The following SIGLEC9 variants were observed in gnomAD, a reference collection of about 807,000 sequenced individuals.
SIGLEC9 encodes the protein sialic acid binding Ig like lectin 9.
Under a neutral mutation model 38.3 loss-of-function variants are expected in SIGLEC9, and 26 were observed. That is an observed-to-expected ratio of 0.68 (90% CI 0.50 to 0.94). The LOEUF (loss-of-function observed/expected upper bound fraction) is 0.94. Among genes scored for constraint, SIGLEC9 ranks in the 40% least tolerant of loss-of-function variants. The pLI is 0.00. For missense variants in SIGLEC9, 556 were observed against 585.7 expected (o/e 0.95, Z 0.52); for synonymous variants, 236 against 248.0 (o/e 0.95, Z 0.45).
chr19:51,125,038 CT>C lies in SIGLEC9; in HGVS notation c.65del (p.Leu22ArgfsTer2). 1 of 1,613,876 alleles carries C rather than the reference CT, an allele frequency of 6.2e-7. No individual in the cohort carries two copies. The highest frequency in any genetic ancestry group is 8.5e-7 in the Non-Finnish European group (1 of 1,179,836). The part of the protein sequence containing the change: ...RERAEGQTSK[L>X]LTMQSSVTVQ... ...GAGGGCGGAAGGACAGACAAGTAAA[CT>C]GCTGACGATGCAGAGTTCCGTGACG... On this transcript the variant is annotated frameshift_variant, in exon 1 of 7. Coordinates refer to ENST00000250360, the MANE Select transcript of SIGLEC9 (RefSeq NM_014441.3). LOFTEE classifies it high-confidence loss of function.
chr19:51,127,814 GCT>G (rs370603645), intron 4 of SIGLEC9, 133 bp from the exon 5 acceptor site: 4 of 591,244 alleles, frequency 6.8e-6, no homozygotes, highest in South Asian at 2.3e-5. Context: ...TCCATGTCCT[GCT>G]CTCTCTCATT....
At position 51,129,148 on chromosome 19, in the gene SIGLEC9, T is replaced by G. The variant is rs1370375149; in HGVS notation, c.1203+638T>G. ...CAGTGCACATTCTGACTTTTTTTGTTTTTTTTTTTTTTTGTTGTTGTTGTT... is the reference window on the plus strand; with the variant it reads ...CAGTGCACATTCTGACTTTTTTTGTGTTTTTTTTTTTTTGTTGTTGTTGTT... On this transcript the variant is annotated intron_variant, in intron 6 of 6. Transcript: ENST00000250360. 3.2e-5 allele frequency among the ~76,000 whole-genome samples: 4 copies of G among 125,050 alleles called. 1 individual carries two copies. Among genetic ancestry groups the G allele is most frequent in the East Asian group, 3.9e-4 (2 of 5,090 alleles). The allele number at this position is 125,050 out of a possible 152,430, so 82.0% of individuals were successfully genotyped here.
chr19:51,121,959 T>C (rs536233128), upstream of SIGLEC9, among the ~76,000 whole-genome samples: 1 of 151,904 alleles, frequency 6.6e-6, no homozygotes, highest in East Asian at 1.9e-4. Flanking sequence ...GTGCCCCTGA[T>C]AGCACAAGCC....
At chr19:51,121,154 G>GTTTTTTTTTTTTTTTTTTTTTTTTTT (rs112928576), upstream of SIGLEC9, among the ~76,000 whole-genome samples, 1 of 150,974 alleles carries the variant, frequency 6.6e-6, no homozygotes, top group African/African-American at 2.4e-5. Context: ...CAGAGTATGA[G>GTTTTTTTTTTTTTTTTTTTTTTTTTT]TTTTTTTGTT....
chr19:51,126,107 G>A lies in SIGLEC9; in HGVS notation c.727G>A (p.Val243Ile), dbSNP rs777990083. ...CCCGCCTCAGAACTTGACCATGACT[G>A]TCTTCCAAGGAGACGGCACAGGTAG... ...SYPPQNLTMTVFQGDGTVSTV... is the reference protein window; with the variant it reads ...SYPPQNLTMTIFQGDGTVSTV... The change falls in exon 3 of 7, where the codon GTC becomes ATC. Residue 243 changes from valine (V) to isoleucine (I), a missense_variant. Val to Ile is a conservative substitution (Grantham distance 29, BLOSUM62 3). Transcript: ENST00000250360. The A allele has an allele frequency of 6.2e-7, 1 of 1,614,082 alleles. No homozygotes were observed. Among genetic ancestry groups the A allele is most frequent in the Non-Finnish European group, 8.5e-7 (1 of 1,179,968 alleles).
Position 51,125,272 on chromosome 19 carries a change from A to G in SIGLEC9, c.298A>G (p.Lys100Glu), listed in dbSNP as rs2075803. The G allele has an allele frequency of 0.56, 896,128 of 1,613,568 alleles. 251,839 individuals are homozygous for G. Among genetic ancestry groups the G allele is most frequent in the South Asian group, 0.64 (58,178 of 91,050 alleles). Residue 100 changes from lysine (K) to glutamate (E), a missense_variant, in exon 1 of 7, where the codon AAG becomes GAG. Transcript: ENST00000250360. ...RFHLLGDPHT[K>E]NCTLSIRDAR... The stretch of plus-strand genomic sequence containing the variant: ...CCACCTCCTTGGGGACCCACATACC[A>G]AGAATTGCACCCTGAGCATCAGAGA...
chr19:51,124,070 G>C (rs1393329322), upstream of SIGLEC9, among the ~76,000 whole-genome samples: 1 of 152,160 alleles, frequency 6.6e-6, no homozygotes, highest in Non-Finnish European at 1.5e-5. Context: ...AGGGAAGTGT[G>C]GCTGAGCGAG....
downstream of SIGLEC9, among the ~76,000 whole-genome samples, chr19:51,134,091 G>A (rs191669723): frequency 8.7e-5 from 13 of 150,206 alleles, no homozygotes; most frequent in East Asian, 1.2e-3. Context: ...GGGGATTAAC[G>A]TGAATGGCAC....
At chr19:51,126,035 C>T (rs770721937) in intron 2 of SIGLEC9, 46 bp from the exon 3 acceptor site, 1 of 1,604,234 alleles carries the variant, frequency 6.2e-7, no homozygotes, top group Non-Finnish European at 8.5e-7. Flanking sequence ...GGGCCAGTGT[C>T]CCCAGCCCTC....
rs774730798 is a variant in SIGLEC9 at position 51,128,007 on chromosome 19, G to A, written c.1074G>A (p.Leu358=). 6.2e-7 allele frequency: 1 copy of A among 1,614,040 alleles called. No homozygotes were observed. Residue 358 remains leucine, a synonymous_variant, in exon 5 of 7, where the codon CTG becomes CTA. Transcript: ENST00000250360. The stretch of plus-strand genomic sequence containing the variant: ...TCGGGGGAGCTGGAGCCACAGCCCT[G>A]GTCTTCCTGTCCTTCTGCGTCATCT... ...GVVGGAGATA[L]VFLSFCVIFV... is the part of the protein sequence containing the mutation.
At position 51,125,040 on chromosome 19, in the gene SIGLEC9, G is replaced by T. The variant is rs755966223; in HGVS notation, c.66G>T (p.Leu22=). 3.7e-6 allele frequency: 6 copies of T among 1,613,992 alleles called. No homozygotes were observed. In the East Asian group the frequency reaches 1.1e-4, roughly 30 times the overall value. ...RERAEGQTSK[L]LTMQSSVTVQ... ...GGGCGGAAGGACAGACAAGTAAACTGCTGACGATGCAGAGTTCCGTGACGG... is the reference window on the plus strand; with the variant it reads ...GGGCGGAAGGACAGACAAGTAAACTTCTGACGATGCAGAGTTCCGTGACGG... Residue 22 remains leucine (L), a synonymous_variant, in exon 1 of 7, where the codon CTG becomes CTT. Transcript: ENST00000250360.
chr19:51,134,147 C>CTTTTTTTTTTTTTTTTTTTTTTTTTTT (rs71185802), downstream of SIGLEC9, among the ~76,000 whole-genome samples: 1 of 66,506 alleles, frequency 1.5e-5, no homozygotes, highest in African/African-American at 5.7e-5. Context: ...TCTTTCTTTT[C>CTTTTTTTTTTTTTTTTTTTTTTTTTTT]TTTTTTTTTT....
At chr19:51,125,540 C>G in intron 1 of SIGLEC9, 57 bp from the exon 2 acceptor site, 1 of 1,595,646 alleles carries the variant, frequency 6.3e-7, no homozygotes, top group African/African-American at 1.3e-5. Context: ...CTGAGCTCCC[C>G]CCAGGGCTGC....
At chr19:51,135,083 G>A (rs1038447787), downstream of SIGLEC9, among the ~76,000 whole-genome samples, 1 of 152,212 alleles carries the variant, frequency 6.6e-6, no homozygotes, top group South Asian at 2.1e-4. Context: ...TCAATATTGA[G>A]ATGTGAGAAT....
chr19:51,130,984 C>G (rs1276731114), downstream of SIGLEC9, among the ~76,000 whole-genome samples: 1 of 152,188 alleles, frequency 6.6e-6, no homozygotes, highest in Admixed American at 6.5e-5. Context: ...GATTGGACTT[C>G]TGGGTTGAGC....
chr19:51,128,766 C>T, intron 6 of SIGLEC9: 1 of 432,996 alleles, frequency 2.3e-6, no homozygotes, highest in South Asian at 2.5e-5. Context: ...GTCTGCCTGT[C>T]TCCTCTCCTT....
At chr19:51,132,839 A>C (rs1234779663), downstream of SIGLEC9, among the ~76,000 whole-genome samples, 2 of 152,174 alleles carry the variant, frequency 1.3e-5, no homozygotes, top group African/African-American at 4.8e-5. Flanking sequence ...AGACTTAAGG[A>C]AGGCCCAAAT....
In SIGLEC9 at chr19:51,127,233, T is replaced by C; in HGVS notation, c.952T>C (p.Phe318Leu). 1 of 1,614,196 alleles carries C rather than the reference T, an allele frequency of 6.2e-7. No individual in the cohort carries two copies. The highest frequency in any genetic ancestry group is 8.5e-7 in the Non-Finnish European group (1 of 1,180,024). The change falls in exon 4 of 7, where the codon TTC (phenylalanine) becomes CTC (leucine). Residue 318 changes from phenylalanine (F) to leucine (L), a missense_variant. Physicochemically the swap from Phe to Leu is conservative, Grantham distance 22. Coordinates refer to ENST00000250360, the MANE Select transcript of SIGLEC9 (RefSeq NM_014441.3). ...PWVHLRDAAE[F>L]TCRAQNPLGS... ...GGTGCACCTGAGGGATGCAGCTGAA[T>C]TCACCTGCAGAGCTCAGAACCCTCT... is the stretch of plus-strand genomic sequence containing the variant.
At chr19:51,129,754 G>A in intron 6 of SIGLEC9, 137 bp from the exon 7 acceptor site, 1 of 621,992 alleles carries the variant, frequency 1.6e-6, no homozygotes, top group East Asian at 2.7e-5. Flanking sequence ...TCACCATGTT[G>A]GCCAGGCTGG....
Sources: allele counts gnomAD v4.1 joint callset (sites outside exome capture counted in the v4.1 genomes callset), GRCh38; gene constraint gnomAD v4.1.1; transcripts MANE v1.5; gene names NCBI Gene and HGNC (gene_info 2026-07-23, HGNC 2026-07-21).